ZPBP: variants seen among roughly 807,000 people sequenced by gnomAD.
The protein encoded by ZPBP is zona pellucida-binding protein 1.
A neutral mutation model predicts 44.8 loss-of-function variants in ZPBP; 26 were observed. The observed-to-expected ratio is 0.58, with a 90% CI of 0.43 to 0.81. The LOEUF is 0.81. ZPBP is among the 30% of genes least tolerant of loss of function. The pLI is 0.00. For synonymous variants in ZPBP, 174 were observed against 153.2 expected (o/e 1.14, Z -1.00); for missense variants, 409 against 434.0 (o/e 0.94, Z 0.51).
intron 7 of ZPBP, among the ~76,000 whole-genome samples, chr7:49,969,031 T>A (rs2128768624): frequency 6.6e-6 from 1 of 151,762 alleles, no homozygotes; most frequent in African/African-American, 2.4e-5. Flanking sequence ...CATTAATAAT[T>A]ACTTCTGGGC....
intron 7 of ZPBP, among the ~76,000 whole-genome samples, chr7:49,977,504 T>C (rs1796585362): frequency 6.6e-6 from 1 of 152,172 alleles, no homozygotes; most frequent in Non-Finnish European, 1.5e-5. Flanking sequence ...AGTACAAATG[T>C]ACACTTTATT....
At chr7:49,852,574 T>C (rs1382858151) in intron 2 of ZPBP, among the ~76,000 whole-genome samples, 1 of 152,120 alleles carries the variant, frequency 6.6e-6, no homozygotes, top group Non-Finnish European at 1.5e-5. Flanking sequence ...TTTAGTGGTT[T>C]TTCCTGTTTC....
intron 4 of ZPBP, among the ~76,000 whole-genome samples, chr7:50,051,074 C>A (rs1800670292): frequency 6.6e-6 from 1 of 151,806 alleles, no homozygotes; most frequent in Non-Finnish European, 1.5e-5. Context: ...CTACAAGGAA[C>A]TTAAACAAAT....
intron 6 of ZPBP, among the ~76,000 whole-genome samples, chr7:50,005,255 C>T (rs916173214): frequency 2.6e-5 from 4 of 151,862 alleles, no homozygotes; most frequent in Non-Finnish European, 5.9e-5. Flanking sequence ...TAATTACCAC[C>T]AGCAGAGTGT....
At chr7:49,859,781 CGCGT>C (rs1444558558) in intron 2 of ZPBP, among the ~76,000 whole-genome samples, 8 of 113,330 alleles carry the variant, frequency 7.1e-5, no homozygotes, top group South Asian at 3.3e-4. Context: ...TCTTACAGTG[CGCGT>C]GCGTGCACAC....
intron 4 of ZPBP, among the ~76,000 whole-genome samples, chr7:50,048,857 TAATA>T (rs1285366417): frequency 2.0e-5 from 3 of 151,770 alleles, no homozygotes; most frequent in Admixed American, 6.6e-5. Flanking sequence ...ATAAGTGATA[TAATA>T]AATAAAAAAT....
At chr7:49,947,758 G>C (rs1021143557) in intron 7 of ZPBP, among the ~76,000 whole-genome samples, 12 of 152,218 alleles carry the variant, frequency 7.9e-5, no homozygotes, top group Admixed American at 6.5e-4. Flanking sequence ...ACAATAAGCA[G>C]GTAGTGAGTC....
chr7:50,087,821 T>C (rs766612560), intron 2 of ZPBP, among the ~76,000 whole-genome samples: 14 of 151,960 alleles, frequency 9.2e-5, no homozygotes, highest in South Asian at 2.1e-4. Flanking sequence ...AGTTCATAGA[T>C]TGAAAGACTT....
intron 2 of ZPBP, among the ~76,000 whole-genome samples, chr7:50,085,313 T>A (rs893364831): frequency 6.6e-6 from 1 of 152,124 alleles, no homozygotes; most frequent in Non-Finnish European, 1.5e-5. Flanking sequence ...CCTCTATAAC[T>A]GTAAGACAGT....
chr7:50,072,282 G>A (rs1034829100), intron 3 of ZPBP, among the ~76,000 whole-genome samples: 2 of 152,186 alleles, frequency 1.3e-5, no homozygotes, highest in African/African-American at 2.4e-5. Flanking sequence ...AGAGTAGCAG[G>A]GTAGAATGGG....
the ZPBP span, among the ~76,000 whole-genome samples, chr7:49,841,110 A>G: frequency 6.6e-6 from 1 of 152,228 alleles, no homozygotes; most frequent in Admixed American, 6.5e-5. Flanking sequence ...ATTATGAGAC[A>G]TAATGCATAC....
intron 7 of ZPBP, among the ~76,000 whole-genome samples, chr7:49,940,963 C>T (rs912643337): frequency 6.6e-6 from 1 of 151,972 alleles, no homozygotes; most frequent in African/African-American, 2.4e-5. Flanking sequence ...GAGTGAGCCT[C>T]TTAGAGAAGA....
intron 4 of ZPBP, among the ~76,000 whole-genome samples, chr7:50,045,652 C>A (rs1800317381): frequency 6.6e-6 from 1 of 152,080 alleles, no homozygotes; most frequent in Non-Finnish European, 1.5e-5. Context: ...AGAGAGGACA[C>A]AAACAAATGG....
At chr7:49,995,133 T>C (rs57738412) in intron 6 of ZPBP, among the ~76,000 whole-genome samples, 76,858 of 152,008 alleles carry the variant, frequency 0.51, 20,282 homozygotes, top group East Asian at 0.69. Context: ...AAATATCTTA[T>C]CAATAAGTCT....
At chr7:49,921,803 AT>A (rs1364130388) in intron 1 of ZPBP, 1 of 152,094 alleles carries the variant, frequency 6.6e-6, no homozygotes, top group Non-Finnish European at 1.5e-5. Context: ...TTTTTATCCC[AT>A]TTATATATAT....
Position 50,065,880 on chromosome 7 carries a change from T to G in ZPBP, c.335-7739A>C, listed in dbSNP as rs533540868. On this transcript the variant is annotated intron_variant, in intron 3 of 7. Coordinates refer to ENST00000046087, the MANE Select transcript of ZPBP (RefSeq NM_007009.3). ...ACTCCAAGGCCTGTTCCTTTTAACTTGTAACAGTGCTGTCTGTCCTGTAGA... is the reference window on the plus strand; with the variant it reads ...ACTCCAAGGCCTGTTCCTTTTAACTGGTAACAGTGCTGTCTGTCCTGTAGA... Among the ~76,000 whole-genome samples, 16 of 151,186 alleles carry G rather than the reference T, an allele frequency of 1.1e-4. 1 individual carries two copies. Among genetic ancestry groups the G allele is most frequent in the African/African-American group, 3.9e-4 (16 of 40,944 alleles).
intron 2 of ZPBP, among the ~76,000 whole-genome samples, chr7:49,855,299 A>G (rs1468478168): frequency 1.3e-5 from 2 of 152,200 alleles, no homozygotes; most frequent in Non-Finnish European, 2.9e-5. Context: ...TCTCTTTCTT[A>G]GTGAAGTTTC....
chr7:49,895,768 AT>A, intron 2 of ZPBP, among the ~76,000 whole-genome samples: 1 of 152,310 alleles, frequency 6.6e-6, no homozygotes, highest in East Asian at 1.9e-4. Context: ...AAATATAAAA[AT>A]TAAGTAGCAT....
intron 4 of ZPBP, among the ~76,000 whole-genome samples, chr7:50,038,941 C>T (rs553865939): frequency 6.6e-6 from 1 of 152,028 alleles, no homozygotes; most frequent in Non-Finnish European, 1.5e-5. Context: ...ATGACGTTCA[C>T]AAAATAAAAT....
Sources: allele counts gnomAD v4.1 joint callset (sites outside exome capture counted in the v4.1 genomes callset), GRCh38; gene constraint gnomAD v4.1.1; transcripts MANE v1.5; gene names NCBI Gene and HGNC (gene_info 2026-07-23, HGNC 2026-07-21).